FHIT: variants seen among roughly 807,000 people sequenced by gnomAD.
FHIT encodes the protein fragile histidine triad diadenosine triphosphatase.
In FHIT, 19 loss-of-function variants were observed where a neutral mutation model predicts 17.9. That is an observed-to-expected ratio of 1.06 (90% CI 0.74 to 1.56). The LOEUF is 1.56. Ranked by LOEUF, FHIT falls within the 40% of genes most tolerant of loss-of-function variation. FHIT has a pLI of 0.00. For missense variants in FHIT, 248 were observed against 189.2 expected (o/e 1.31, Z -1.82); for synonymous variants, 81 against 69.7 (o/e 1.16, Z -0.81).
chr3:60,407,360 A>G lies in FHIT; in HGVS notation c.103+129500T>C, dbSNP rs542078427. ...TGCTATTACAGTTTCTTATTCATCA[A>G]TTCACCCCAAAAGATAAGTAATTGA... On this transcript the variant is annotated intron_variant, in intron 5 of 9. Transcript: ENST00000492590. Among the ~76,000 whole-genome samples the G allele has an allele frequency of 4.6e-5, 7 of 152,088 alleles. No homozygotes were observed. The South Asian group carries it at 1.2e-3, about 27-fold the overall frequency.
At chr3:60,419,454 T>G (rs7638538) in intron 5 of FHIT, among the ~76,000 whole-genome samples, 31,573 of 152,168 alleles carry the variant, frequency 0.21, 3,908 homozygotes, top group East Asian at 0.48. Flanking sequence ...CCACCACCAC[T>G]GTAAGCCCCA....
At chr3:60,009,682 G>A (rs1700067061) in intron 7 of FHIT, among the ~76,000 whole-genome samples, 4 of 152,038 alleles carry the variant, frequency 2.6e-5, no homozygotes, top group Admixed American at 2.0e-4. Flanking sequence ...ATTTTAAAAC[G>A]TACAATTCAG....
chr3:60,442,158 C>G (rs562876315), intron 5 of FHIT, among the ~76,000 whole-genome samples: 1 of 151,882 alleles, frequency 6.6e-6, no homozygotes, highest in Admixed American at 6.6e-5. Flanking sequence ...CCATGCCCAG[C>G]CCTGGTCACT....
chr3:60,015,916 A>C (rs1700327086), intron 5 of FHIT, among the ~76,000 whole-genome samples: 1 of 152,230 alleles, frequency 6.6e-6, no homozygotes, highest in Admixed American at 6.5e-5. Context: ...TTGCTCCTAG[A>C]AAAACAACTC....
intron 3 of FHIT, among the ~76,000 whole-genome samples, chr3:60,869,379 C>A (rs116649264): frequency 0.018 from 2,768 of 152,154 alleles, 36 homozygotes; most frequent in Middle Eastern, 0.037. Context: ...GCAGCCAGTT[C>A]CCCCCAGTGC....
In FHIT at chr3:60,075,406, T is replaced by C. The variant is rs140556513; in HGVS notation, c.104-61254A>G. 2.0e-3 allele frequency among the ~76,000 whole-genome samples: 307 copies of C among 152,244 alleles called. 2 individuals are homozygous for C. The highest frequency in any genetic ancestry group is 3.1e-3 in the Admixed American group (47 of 15,264). On this transcript the variant is annotated intron_variant, in intron 5 of 9. Coordinates refer to ENST00000492590, the MANE Select transcript of FHIT (RefSeq NM_002012.4). ...AAAATATACTGTGACCTTCAACTAG[T>C]CACTTAACAAGTGCTCATTGTATCA...
At chr3:60,338,440 G>A (rs1710352181) in intron 5 of FHIT, among the ~76,000 whole-genome samples, 2 of 152,072 alleles carry the variant, frequency 1.3e-5, no homozygotes, top group East Asian at 3.9e-4. Context: ...ATCTCCACCA[G>A]GCCTTGGCTT....
At chr3:60,973,894 T>C (rs1486322717) in intron 3 of FHIT, among the ~76,000 whole-genome samples, 2 of 152,158 alleles carry the variant, frequency 1.3e-5, no homozygotes, top group African/African-American at 2.4e-5. Context: ...TTAAAGATGA[T>C]ATTATTATTT....
Position 61,093,817 on chromosome 3 carries a change from G to A in FHIT, c.-163-51718C>T, listed in dbSNP as rs150412266. 5.8e-3 allele frequency among the ~76,000 whole-genome samples: 889 copies of A among 152,278 alleles called. 10 individuals are homozygous for A. Among genetic ancestry groups the A allele is most frequent in the African/African-American group, 0.021 (856 of 41,540 alleles). On this transcript the variant is annotated intron_variant, in intron 2 of 9. Transcript: ENST00000492590. Reference sequence around the variant, plus strand: ...GTATAACCAGTAGGACTTCACCAGTGTGTATACCCACTGTCAACCCTAAGA... The same window carrying A: ...GTATAACCAGTAGGACTTCACCAGTATGTATACCCACTGTCAACCCTAAGA...
At chr3:61,205,710 G>A (rs567011868) in intron 1 of FHIT, among the ~76,000 whole-genome samples, 120 of 152,128 alleles carry the variant, frequency 7.9e-4, no homozygotes, top group Admixed American at 1.2e-3. Context: ...TGTAGATTCG[G>A]GATATTAGCC....
At chr3:59,896,931 T>C (rs1041503958) in intron 8 of FHIT, among the ~76,000 whole-genome samples, 1 of 152,096 alleles carries the variant, frequency 6.6e-6, no homozygotes, top group African/African-American at 2.4e-5. Flanking sequence ...GCCAGAAACA[T>C]GTTAGCAACG....
rs201555469 is a variant in FHIT at position 60,955,597 on chromosome 3, CATATATATATATATATATATATAT to C, written c.-111+86426_-111+86449del. On this transcript the variant is annotated intron_variant, in intron 3 of 9. Transcript: ENST00000492590. The stretch of plus-strand genomic sequence containing the variant: ...ATGTATCTGCTTAGGCATATATATA[CATATATATATATATATATATATAT>C]ATATATATATATACACACACACACA... Among the ~76,000 whole-genome samples, 66 of 77,714 alleles carry C rather than the reference CATATATATATATATATATATATAT, an allele frequency of 8.5e-4. 4 individuals carry two copies. In the East Asian group the frequency reaches 8.9e-3, roughly 10 times the overall value. 51.0% of individuals were successfully genotyped at this position (77,714 alleles called of 152,430 possible).
chr3:60,411,347 C>A (rs1305628309), intron 5 of FHIT, among the ~76,000 whole-genome samples: 2 of 152,074 alleles, frequency 1.3e-5, no homozygotes, highest in South Asian at 2.1e-4. Flanking sequence ...GGAAAAATGG[C>A]ACATTATTTT....
At chr3:59,936,291 A>G (rs3772448) in intron 7 of FHIT, among the ~76,000 whole-genome samples, 74,248 of 151,998 alleles carry the variant, frequency 0.49, 18,611 homozygotes, top group East Asian at 0.9. Context: ...TATACATCAT[A>G]TCAGAACATT....
intron 8 of FHIT, among the ~76,000 whole-genome samples, chr3:59,918,415 G>C (rs891652153): frequency 1.3e-4 from 20 of 152,148 alleles, no homozygotes; most frequent in Non-Finnish European, 2.8e-4. Context: ...ACTCTAGAGG[G>C]GACAGAGGAT....
intron 5 of FHIT, among the ~76,000 whole-genome samples, chr3:60,472,369 ATTT>A (rs370195823): frequency 2.2e-5 from 3 of 134,528 alleles, no homozygotes; most frequent in East Asian, 2.2e-4. Flanking sequence ...ACAATGCTGT[ATTT>A]TTTTTTTTTT....
chr3:60,765,399 G>A (rs1553721129), intron 4 of FHIT: 1 of 152,100 alleles, frequency 6.6e-6, no homozygotes, highest in Non-Finnish European at 1.5e-5. Flanking sequence ...GAATATCAGG[G>A]CTTAAAACAG....
Position 60,664,709 on chromosome 3 carries a change from T to C in FHIT, c.-17-127730A>G, listed in dbSNP as rs61337534. On this transcript the variant is annotated intron_variant, in intron 4 of 9. Transcript: ENST00000492590. ...TTTCATGTTGGCTGAGTTTAGCTAG[T>C]TTTTTTTTTTTTTTTAGAAATTGGT... Among the ~76,000 whole-genome samples, 58 of 119,962 alleles carry C rather than the reference T, an allele frequency of 4.8e-4. No individual in the cohort carries two copies. In the East Asian group the frequency reaches 8.5e-3, roughly 18 times the overall value. 78.7% of individuals were successfully genotyped at this position (119,962 alleles called of 152,430 possible).
At chr3:59,780,641 G>A (rs1428656907) in intron 8 of FHIT, among the ~76,000 whole-genome samples, 13 of 152,140 alleles carry the variant, frequency 8.5e-5, no homozygotes, top group Non-Finnish European at 1.9e-4. Context: ...CATGAAGGTG[G>A]AGCCCCAGGA....
Sources: gnomAD v4.1 joint callset for allele counts (sites outside exome capture counted in the v4.1 genomes callset) on GRCh38, gnomAD v4.1.1 for gene constraint, MANE v1.5 for transcripts, NCBI Gene and HGNC (gene_info 2026-07-23, HGNC 2026-07-21) for gene names.